NCKAP5: variants seen among roughly 807,000 people sequenced by gnomAD.
NCKAP5 encodes the protein NCK associated protein 5, also known as nck-associated protein 5.
In NCKAP5, 92 loss-of-function variants were observed where a neutral mutation model predicts 167.0. The ratio of observed to expected loss-of-function variants is 0.55; its 90% CI spans 0.47 to 0.66. The LOEUF is 0.66. Among genes scored for constraint, NCKAP5 ranks in the 30% least tolerant of loss-of-function variants. The probability of loss-of-function intolerance (pLI) is 0.00; values close to 1 mark genes in which losing one functional copy is unlikely to be tolerated. For missense variants in NCKAP5, 2,378 were observed against 2,315.0 expected (o/e 1.03, Z -0.56); for synonymous variants, 891 against 877.4 (o/e 1.02, Z -0.27).
intron 19 of NCKAP5, among the ~76,000 whole-genome samples, chr2:132,676,063 G>A (rs1408590739): frequency 6.6e-6 from 1 of 152,004 alleles, no homozygotes; most frequent in Non-Finnish European, 1.5e-5. Context: ...ATCTAAAGGT[G>A]GTAGCAGCTA....
At chr2:132,741,223 A>C (rs998199373) in intron 16 of NCKAP5, among the ~76,000 whole-genome samples, 1 of 152,088 alleles carries the variant, frequency 6.6e-6, no homozygotes, top group African/African-American at 2.4e-5. Flanking sequence ...GTATTCCAGA[A>C]TATGTTATGC....
chr2:133,042,101 T>C (rs1166592062), intron 6 of NCKAP5, among the ~76,000 whole-genome samples: 2 of 152,192 alleles, frequency 1.3e-5, no homozygotes, highest in African/African-American at 4.8e-5. Context: ...ATTTTTATTA[T>C]GCATGGATTT....
intron 16 of NCKAP5, among the ~76,000 whole-genome samples, chr2:132,770,295 T>C (rs1681915603): frequency 6.6e-6 from 1 of 151,246 alleles, no homozygotes; most frequent in South Asian, 2.1e-4. Context: ...TCTTTCATGT[T>C]TGCCTTCCTC....
chr2:133,271,424 T>G (rs1043417589), intron 4 of NCKAP5, among the ~76,000 whole-genome samples: 1 of 152,148 alleles, frequency 6.6e-6, no homozygotes, highest in African/African-American at 2.4e-5. Flanking sequence ...TTTCTCCTTA[T>G]GTGATGCTGT....
chr2:133,615,360 G>C, the NCKAP5 span, among the ~76,000 whole-genome samples: 1 of 151,624 alleles, frequency 6.6e-6, no homozygotes, highest in Non-Finnish European at 1.5e-5. Flanking sequence ...CGGGCAAATT[G>C]GATAAAGAGT....
intron 3 of NCKAP5, among the ~76,000 whole-genome samples, chr2:133,405,167 C>T (rs772962804): frequency 3.3e-5 from 5 of 152,192 alleles, no homozygotes; most frequent in Non-Finnish European, 7.3e-5. Context: ...TTCTCTGAGC[C>T]TAGGGTCACA....
At chr2:133,333,455 C>A (rs570762175) in intron 3 of NCKAP5, among the ~76,000 whole-genome samples, 1 of 152,024 alleles carries the variant, frequency 6.6e-6, no homozygotes, top group Non-Finnish European at 1.5e-5. Flanking sequence ...TCTTCCACGA[C>A]GAGGAAAAGC....
chr2:132,963,959 C>T lies in NCKAP5; in HGVS notation c.430-90G>A, dbSNP rs750320192. 135 of 1,410,366 alleles carry T rather than the reference C, an allele frequency of 9.6e-5. 1 individual carries two copies. The highest frequency in any genetic ancestry group is 1.3e-4 in the African/African-American group (9 of 69,980). The allele number at this position is 1,410,366 out of a possible 1,614,324, so 87.4% of individuals were successfully genotyped here. Reference sequence around the variant, plus strand: ...TGAAAAGGCTGGAATCATTCTCCTGCGTGTGCATTCTTCCGGGGCTGGGAG... The same window carrying T: ...TGAAAAGGCTGGAATCATTCTCCTGTGTGTGCATTCTTCCGGGGCTGGGAG... On this transcript the variant is annotated intron_variant, in intron 7 of 19. Transcript: ENST00000409261.
chr2:133,106,156 G>T (rs941373369), intron 6 of NCKAP5, among the ~76,000 whole-genome samples: 1 of 148,340 alleles, frequency 6.7e-6, no homozygotes, highest in African/African-American at 2.5e-5. Context: ...AGCCAGGAGT[G>T]GTGGCAGGCG....
chr2:132,739,689 C>T (rs1691843070), intron 16 of NCKAP5, among the ~76,000 whole-genome samples: 1 of 152,174 alleles, frequency 6.6e-6, no homozygotes, highest in Admixed American at 6.5e-5. Context: ...TCTGGGTACA[C>T]TTTACTCAAC....
intron 3 of NCKAP5, among the ~76,000 whole-genome samples, chr2:133,486,994 C>A (rs1349713732): frequency 2.0e-5 from 3 of 152,104 alleles, no homozygotes; most frequent in African/African-American, 7.2e-5. Flanking sequence ...AAACTCAGCC[C>A]AGCACACTGC....
chr2:133,644,292 A>G, the NCKAP5 span, among the ~76,000 whole-genome samples: 2 of 152,146 alleles, frequency 1.3e-5, no homozygotes, highest in Admixed American at 6.5e-5. Flanking sequence ...CTGGGACATC[A>G]GTCTTCCCCT....
At chr2:132,739,056 C>T (rs754302152) in intron 16 of NCKAP5, among the ~76,000 whole-genome samples, 6 of 152,148 alleles carry the variant, frequency 3.9e-5, no homozygotes, top group Non-Finnish European at 7.3e-5. Context: ...GTTCACATAG[C>T]AACATCATCT....
chr2:133,519,505 G>A (rs915925440), intron 2 of NCKAP5, among the ~76,000 whole-genome samples: 2 of 152,124 alleles, frequency 1.3e-5, no homozygotes, highest in Non-Finnish European at 2.9e-5. Context: ...CTCAGTGACT[G>A]TAAACACTGG....
the NCKAP5 span, among the ~76,000 whole-genome samples, chr2:133,616,540 T>G: frequency 6.6e-6 from 1 of 151,864 alleles, no homozygotes; most frequent in East Asian, 1.9e-4. Context: ...CCAAATAAAC[T>G]AGAAAATCTA....
At chr2:132,702,098 C>T (rs73957621) in intron 19 of NCKAP5, among the ~76,000 whole-genome samples, 2,556 of 152,186 alleles carry the variant, frequency 0.017, 62 homozygotes, top group African/African-American at 0.049. Context: ...AGTAAAAGAA[C>T]GTGTCCTTCC....
intron 3 of NCKAP5, among the ~76,000 whole-genome samples, chr2:133,371,574 C>A (rs1408293047): frequency 6.6e-6 from 1 of 152,210 alleles, no homozygotes; most frequent in Non-Finnish European, 1.5e-5. Context: ...GTGTCTGGCA[C>A]AGAGTAAGCA....
intron 5 of NCKAP5, among the ~76,000 whole-genome samples, chr2:133,171,287 C>T (rs1437490984): frequency 6.6e-6 from 1 of 152,138 alleles, no homozygotes; most frequent in Non-Finnish European, 1.5e-5. Flanking sequence ...AGATTCAATC[C>T]TTTTAATCCA....
rs369130877 is a variant in NCKAP5 at position 133,474,154 on chromosome 2, A to ATCTATTTATC, written c.69+43303_69+43304insGATAAATAGA. ...TATCTATCTATCTATCTATCTATCT[A>ATCTATTTATC]TACACACACACACACACACACACGT... On this transcript the variant is annotated intron_variant, in intron 3 of 19. Coordinates refer to ENST00000409261, the MANE Select transcript of NCKAP5 (RefSeq NM_207363.3). Among the ~76,000 whole-genome samples the ATCTATTTATC allele has an allele frequency of 7.4e-3, 998 of 135,374 alleles. 13 individuals carry two copies. Among genetic ancestry groups the ATCTATTTATC allele is most frequent in the African/African-American group, 0.035 (931 of 26,760 alleles). 88.8% of individuals were successfully genotyped at this position (135,374 alleles called of 152,430 possible). A position where few individuals can be genotyped will look rare whatever the true frequency, so the allele number is the denominator to read the frequency against.
Sources: allele counts gnomAD v4.1 joint callset (sites outside exome capture counted in the v4.1 genomes callset), GRCh38; gene constraint gnomAD v4.1.1; transcripts MANE v1.5; gene names NCBI Gene and HGNC (gene_info 2026-07-23, HGNC 2026-07-21).